TXNL4A: variants seen among roughly 807,000 people sequenced by gnomAD.
The protein encoded by TXNL4A is thioredoxin-like protein 4A.
In TXNL4A, 17 loss-of-function variants were observed where a neutral mutation model predicts 14.6. That is an observed-to-expected ratio of 1.16 (90% CI 0.80 to 1.74). The LOEUF is 1.74. Among genes scored for constraint, TXNL4A ranks in the 40% most tolerant of loss-of-function variants. The probability of loss-of-function intolerance (pLI) is 0.00; values close to 1 mark genes in which losing one functional copy is unlikely to be tolerated. For synonymous variants in TXNL4A, 83 were observed against 70.6 expected, an observed-to-expected ratio of 1.18 and a Z score of -0.88; for missense variants, 74 against 195.2, an observed-to-expected ratio of 0.38 and a Z score of 3.70.
intron 1 of TXNL4A, among the ~76,000 whole-genome samples, chr18:80,013,183 C>T (rs964373879): frequency 6.7e-4 from 99 of 147,984 alleles, no homozygotes; most frequent in African/African-American, 2.3e-3. Flanking sequence ...CACAGTGGCG[C>T]GCGATCTTGG....
intron 1 of TXNL4A, among the ~76,000 whole-genome samples, chr18:80,030,793 C>G (rs2051915962): frequency 6.6e-6 from 1 of 152,012 alleles, no homozygotes; most frequent in African/African-American, 2.4e-5. Flanking sequence ...ATGGTGAAAC[C>G]CTGTCTCTAC....
chr18:79,981,821 G>A (rs1159534477), intron 1 of TXNL4A, among the ~76,000 whole-genome samples: 3 of 152,204 alleles, frequency 2.0e-5, no homozygotes, highest in Admixed American at 6.5e-5. Flanking sequence ...TAAAGCTCAC[G>A]TGCCACGAGA....
At chr18:80,000,682 T>C (rs905009877) in intron 1 of TXNL4A, among the ~76,000 whole-genome samples, 1 of 151,960 alleles carries the variant, frequency 6.6e-6, no homozygotes, top group African/African-American at 2.4e-5. Flanking sequence ...GAGATGGGAG[T>C]CTCCCTCTGT....
chr18:80,014,621 T>C (rs1894005200), intron 1 of TXNL4A, among the ~76,000 whole-genome samples: 1 of 152,182 alleles, frequency 6.6e-6, no homozygotes, highest in East Asian at 1.9e-4. Flanking sequence ...TGGGCTGGCG[T>C]TGAGTGTCTG....
At chr18:80,032,446 T>TC (rs1187265565) in intron 1 of TXNL4A, among the ~76,000 whole-genome samples, 1 of 152,204 alleles carries the variant, frequency 6.6e-6, no homozygotes, top group African/African-American at 2.4e-5. Context: ...CGCAAACCTG[T>TC]CTCCCCCTTT....
chr18:80,003,794 C>T (rs2051712166), intron 1 of TXNL4A, among the ~76,000 whole-genome samples: 1 of 152,188 alleles, frequency 6.6e-6, no homozygotes, highest in South Asian at 2.1e-4. Context: ...AGGAAATTTA[C>T]AATCAATGCA....
At chr18:80,025,261 G>T (rs1417276275) in intron 1 of TXNL4A, among the ~76,000 whole-genome samples, 1 of 152,192 alleles carries the variant, frequency 6.6e-6, no homozygotes, top group Non-Finnish European at 1.5e-5. Context: ...CAGCAACTTA[G>T]AAATGCTAAT....
At chr18:80,006,880 C>T (rs1198782931) in intron 1 of TXNL4A, among the ~76,000 whole-genome samples, 2 of 152,226 alleles carry the variant, frequency 1.3e-5, no homozygotes, top group African/African-American at 2.4e-5. Context: ...AAGCGGCCAA[C>T]TCATCCTTTT....
At chr18:80,000,694 G>A (rs746446763) in intron 1 of TXNL4A, among the ~76,000 whole-genome samples, 1 of 152,044 alleles carries the variant, frequency 6.6e-6, no homozygotes, top group African/African-American at 2.4e-5. Flanking sequence ...TCCCTCTGTC[G>A]CCCAGGCTGG....
intron 1 of TXNL4A, among the ~76,000 whole-genome samples, chr18:80,025,937 C>T (rs377092269): frequency 1.4e-3 from 218 of 152,348 alleles, no homozygotes; most frequent in African/African-American, 5.1e-3. Flanking sequence ...TCCTCCAGTG[C>T]TCCAAAGGGC....
rs139840583 is a variant in TXNL4A, at chr18:79,994,101, A to G, written c.-60-16400T>C. ...TAAAACCCCAGCAGCTGAGGAACAT[A>G]AAGTTCCACCTTTAGAAACTCCGGC... On this transcript the variant is annotated intron_variant, in intron 1 of 2. Coordinates refer to the TXNL4A transcript ENST00000585474. Among the ~76,000 whole-genome samples the G allele has an allele frequency of 2.3e-3, 352 of 152,322 alleles. 2 individuals carry two copies. Among genetic ancestry groups the G allele is most frequent in the African/African-American group, 7.1e-3 (296 of 41,570 alleles).
At chr18:80,004,297 C>T (rs72970172) in intron 1 of TXNL4A, among the ~76,000 whole-genome samples, 1 of 152,274 alleles carries the variant, frequency 6.6e-6, no homozygotes, top group Non-Finnish European at 1.5e-5. Flanking sequence ...CCTGACACCA[C>T]CACCCAAAGC....
chr18:80,000,704 G>A (rs2051692991), intron 1 of TXNL4A, among the ~76,000 whole-genome samples: 1 of 152,148 alleles, frequency 6.6e-6, no homozygotes, highest in Non-Finnish European at 1.5e-5. Flanking sequence ...GCCCAGGCTG[G>A]AGTGCAGTGG....
intron 1 of TXNL4A, among the ~76,000 whole-genome samples, chr18:80,029,750 T>A (rs1187934034): frequency 1.3e-5 from 2 of 152,146 alleles, no homozygotes; most frequent in Non-Finnish European, 2.9e-5. Flanking sequence ...CCACCCCTTT[T>A]GGAAAACAAC....
At chr18:79,979,689 A>G (rs150471249) in intron 1 of TXNL4A, 1 of 152,344 alleles carries the variant, frequency 6.6e-6, no homozygotes, top group Non-Finnish European at 1.5e-5. Context: ...GGTCTCATGT[A>G]TTTCTTTATA....
intron 1 of TXNL4A, among the ~76,000 whole-genome samples, chr18:80,026,649 T>TA (rs1446701285): frequency 6.6e-6 from 1 of 152,222 alleles, no homozygotes; most frequent in Non-Finnish European, 1.5e-5. Context: ...AAAACAATCT[T>TA]ACGTTTTAAG....
At chr18:79,980,287 G>A (rs1047869199) in intron 1 of TXNL4A, among the ~76,000 whole-genome samples, 2 of 152,206 alleles carry the variant, frequency 1.3e-5, no homozygotes, top group Admixed American at 1.3e-4. Flanking sequence ...AATTGTGAGA[G>A]AAGTTTCTGT....
intron 1 of TXNL4A, chr18:79,986,686 C>T: frequency 1.0e-5 from 10 of 985,502 alleles, no homozygotes; most frequent in Non-Finnish European, 1.2e-5. Flanking sequence ...CTCACATCTC[C>T]AGCCATCCTA....
Position 80,011,606 on chromosome 18 carries a change from G to A in TXNL4A, c.-61+22245C>T, listed in dbSNP as rs893484055. Among the ~76,000 whole-genome samples the A allele has an allele frequency of 2.6e-5, 4 of 152,276 alleles. No homozygotes were observed. The highest frequency in any genetic ancestry group is 1.9e-4 in the East Asian group (1 of 5,188). On this transcript the variant is annotated intron_variant, in intron 1 of 2. Transcript: ENST00000585474. The surrounding 1 kb of genome is among the most constrained non-coding windows in gnomAD (Gnocchi z 4.1). ...CCATGAGCAGCCTCTGAGGAGAAAA[G>A]TCTCCTTATTGCCTTCATGTCTTTA...
Sources: allele counts gnomAD v4.1 joint callset (sites outside exome capture counted in the v4.1 genomes callset), GRCh38; gene constraint gnomAD v4.1.1; non-coding constraint Gnocchi (gnomAD v3.1); transcripts MANE v1.5; gene names NCBI Gene and HGNC (gene_info 2026-07-23, HGNC 2026-07-21).